DCAF4: variants seen among roughly 807,000 people sequenced by gnomAD.
The protein encoded by DCAF4 is DDB1- and CUL4-associated factor 4.
A neutral mutation model predicts 60.9 loss-of-function variants in DCAF4; 37 were observed. The observed-to-expected ratio is 0.61, with a 90% CI of 0.47 to 0.80. The LOEUF (loss-of-function observed/expected upper bound fraction) is 0.80. Among genes scored for constraint, DCAF4 ranks in the 30% least tolerant of loss-of-function variants. The probability of loss-of-function intolerance (pLI) is 0.00; values close to 1 mark genes in which losing one functional copy is unlikely to be tolerated. For missense variants in DCAF4, 577 were observed against 650.0 expected (o/e 0.89, Z 1.22); for synonymous variants, 243 against 254.8 (o/e 0.95, Z 0.44).
intron 11 of DCAF4, among the ~76,000 whole-genome samples, 159 bp downstream of exon 11, chr14:72,954,642 C>T (rs575407947): frequency 2.6e-5 from 4 of 152,146 alleles, no homozygotes; most frequent in Non-Finnish European, 4.4e-5. Flanking sequence ...GTGTCTGAGC[C>T]GAGTGAAAGT....
chr14:72,944,045 C>G (rs541790191), intron 6 of DCAF4, among the ~76,000 whole-genome samples: 1 of 152,182 alleles, frequency 6.6e-6, no homozygotes, highest in Non-Finnish European at 1.5e-5. Context: ...GTGGTTGGTT[C>G]CCCTCAGCAG....
chr14:72,956,574 A>C (rs1462837494), intron 13 of DCAF4, 74 bp downstream of exon 13: 2 of 1,445,802 alleles, frequency 1.4e-6, no homozygotes, highest in East Asian at 2.5e-5. Context: ...CAACTTCAGC[A>C]GCAGAGGGAA....
rs377369612 is a variant in DCAF4, at chr14:72,947,057, C to T, written c.679-85C>T. The T allele has an allele frequency of 4.7e-5, 73 of 1,561,242 alleles. 1 individual carries two copies. The East Asian group carries it at 9.9e-4, about 21-fold the overall frequency. The stretch of plus-strand genomic sequence containing the variant: ...GAGCAGGACGTGAAGAGAGAAGTCA[C>T]ACGTCTGTGTCCCCACATGTTATTC... On this transcript the variant is annotated intron_variant, in intron 7 of 13. Transcript: ENST00000358377.
rs1889530269 is a variant in DCAF4, at chr14:72,938,057, G to A, written c.79G>A (p.Asp27Asn). The change falls in exon 2 of 14, where the codon GAT (aspartate) becomes AAT (asparagine). Residue 27 changes from aspartate to asparagine, a missense_variant. Physicochemically the swap from Asp to Asn is conservative, Grantham distance 23. Transcript: ENST00000358377. ...GCAGAACCCTTGGTTCAGACTCCGT[G>A]ATTCTGAAGACAGGCAAGTGTGCCG... Reference protein sequence around the residue: ...HQQNPWFRLRDSEDRSDSRAA... With the variant: ...HQQNPWFRLRNSEDRSDSRAA... The A allele has an allele frequency of 6.2e-7, 1 of 1,607,308 alleles. No individual in the cohort carries two copies. Among genetic ancestry groups the A allele is most frequent in the African/African-American group, 1.3e-5 (1 of 74,318 alleles).
intron 1 of DCAF4, among the ~76,000 whole-genome samples, chr14:72,937,523 C>T (rs1454767245): frequency 1.3e-5 from 2 of 148,514 alleles, no homozygotes; most frequent in Non-Finnish European, 1.5e-5. Flanking sequence ...CGGGTTCAAG[C>T]GATTCTCCTG....
In DCAF4 at chr14:72,945,164, A is replaced by C. The variant is rs1000291259; in HGVS notation, c.535-720A>C. On this transcript the variant is annotated intron_variant, in intron 6 of 13. Transcript: ENST00000358377. ...TCCCAGCACTTTGGGTGGCTGAGGC[A>C]GAAGGATCACTTGAGGCCAGAAGTT... 2.6e-5 allele frequency among the ~76,000 whole-genome samples: 4 copies of C among 152,210 alleles called. No homozygotes were observed. In the South Asian group the frequency reaches 6.2e-4, roughly 24 times the overall value.
chr14:72,953,730 AAAATATAT>A (rs1318791269), intron 9 of DCAF4, among the ~76,000 whole-genome samples: 3 of 27,778 alleles, frequency 1.1e-4, no homozygotes, highest in East Asian at 7.8e-4. Flanking sequence ...AAAAAAAAAA[AAAATATAT>A]ATATATATAT....
intron 1 of DCAF4, among the ~76,000 whole-genome samples, chr14:72,927,572 C>A (rs372745291): frequency 2.6e-5 from 4 of 151,720 alleles, no homozygotes; most frequent in Admixed American, 2.0e-4. Context: ...AGGATGGTCT[C>A]GATCTCCTGA....
At chr14:72,942,678 GT>G in intron 5 of DCAF4, 1 of 284,030 alleles carries the variant, frequency 3.5e-6, no homozygotes, top group Non-Finnish European at 6.6e-6. Context: ...CCAGACCATT[GT>G]TTCATCTCCC....
rs765183449 is a variant in DCAF4 at position 72,939,930 on chromosome 14, T to G, written c.193+28T>G. ...AAGGCCACTTGCGGGGTGGGAATCC[T>G]GGCCCTTGCACACAGGGAAGGCTGA... On this transcript the variant is annotated intron_variant, in intron 3 of 13. Coordinates refer to ENST00000358377, the MANE Select transcript of DCAF4 (RefSeq NM_015604.4). The G allele has an allele frequency of 5.1e-6, 8 of 1,566,424 alleles. No homozygotes were observed. In the Admixed American group the frequency reaches 1.5e-4, roughly 29 times the overall value.
chr14:72,958,296 C>T (rs1892552191), intron 13 of DCAF4, among the ~76,000 whole-genome samples: 1 of 152,096 alleles, frequency 6.6e-6, no homozygotes, highest in Non-Finnish European at 1.5e-5. Flanking sequence ...AAATCAGTTG[C>T]ATGTCACCTA....
chr14:72,927,950 C>G (rs953283919), intron 1 of DCAF4, among the ~76,000 whole-genome samples: 7 of 151,972 alleles, frequency 4.6e-5, no homozygotes. Flanking sequence ...ACCACCACAC[C>G]CGGCTAATTT....
Position 72,947,156 on chromosome 14 carries a change from C to T in DCAF4, c.693C>T (p.Cys231=). 4 of 1,614,098 alleles carry T rather than the reference C, an allele frequency of 2.5e-6. No individual in the cohort carries two copies. The highest frequency in any genetic ancestry group is 3.4e-6 in the Non-Finnish European group (4 of 1,180,002). ...TTCCTCACCAGGTGAATTCGGTGTG[C>T]TGGGCCTCGCTGAATCACTTGGATT... ...YFTNRKVNSV[C]WASLNHLDSH... The change falls in exon 8 of 14, where the codon TGC becomes TGT. Residue 231 remains cysteine, a synonymous_variant. Coordinates refer to ENST00000358377, the MANE Select transcript of DCAF4 (RefSeq NM_015604.4).
At position 72,958,760 on chromosome 14, in the gene DCAF4, G is replaced by T; in HGVS notation, c.1443G>T (p.Leu481=). ...RLGGSRGAPG[L]LMAVGQDLYC... ...GGGGCTCCCGGGGCGCGCCGGGGCT[G>T]CTCATGGCTGTCGGGCAGGACCTTT... The change falls in exon 14 of 14, where the codon CTG becomes CTT. Residue 481 remains leucine, a synonymous_variant. Transcript: ENST00000358377. The T allele has an allele frequency of 6.2e-7, 1 of 1,605,094 alleles. No homozygotes were observed. The highest frequency in any genetic ancestry group is 8.5e-7 in the Non-Finnish European group (1 of 1,175,704).
At chr14:72,938,747 T>A (rs1889630708) in intron 2 of DCAF4, among the ~76,000 whole-genome samples, 1 of 151,988 alleles carries the variant, frequency 6.6e-6, no homozygotes, top group Non-Finnish European at 1.5e-5. Flanking sequence ...TATATAAGAT[T>A]TTTTTTTAAA....
chr14:72,952,988 C>T (rs1237395752), intron 9 of DCAF4, among the ~76,000 whole-genome samples: 9 of 110,968 alleles, frequency 8.1e-5, no homozygotes, highest in African/African-American at 1.7e-4. Flanking sequence ...CCACAATGCC[C>T]GGCCTTTTTT....
rs767562256 is a variant in DCAF4, at chr14:72,945,955, C to T, written c.606C>T (p.Ile202=). 1.9e-6 allele frequency: 3 copies of T among 1,614,170 alleles called. No homozygotes were observed. In the South Asian group the frequency reaches 3.3e-5, roughly 18 times the overall value. The part of the protein sequence containing the change: ...VKVGGSKYGI[I]NLQSLKTPTL... ...TTGGAGGCTCCAAGTATGGTATCAT[C>T]AACCTGCAAAGTCTGAAGACCCCTA... The change falls in exon 7 of 14, where the codon ATC becomes ATT. Residue 202 remains isoleucine, a synonymous_variant. Coordinates refer to ENST00000358377, the MANE Select transcript of DCAF4 (RefSeq NM_015604.4).
intron 3 of DCAF4, 108 bp downstream of exon 3, chr14:72,940,010 G>GT (rs1889813997): frequency 1.5e-5 from 19 of 1,241,718 alleles, no homozygotes; most frequent in Non-Finnish European, 2.0e-5. Flanking sequence ...ACTCAGGGAA[G>GT]GAGCTGGGTG....
At chr14:72,933,732 T>G (rs1888886160) in intron 1 of DCAF4, among the ~76,000 whole-genome samples, 1 of 152,210 alleles carries the variant, frequency 6.6e-6, no homozygotes, top group Non-Finnish European at 1.5e-5. Flanking sequence ...GAGATTGATT[T>G]GTTCAAAATC....
Sources: gnomAD v4.1 joint callset for allele counts (sites outside exome capture counted in the v4.1 genomes callset) on GRCh38, gnomAD v4.1.1 for gene constraint, MANE v1.5 for transcripts, NCBI Gene and HGNC (gene_info 2026-07-23, HGNC 2026-07-21) for gene names.